DYNC1I1: variants seen among roughly 807,000 people sequenced by gnomAD.
The protein encoded by DYNC1I1 is dynein cytoplasmic 1 intermediate chain 1, also known as cytoplasmic dynein 1 intermediate chain 1.
In DYNC1I1, 43 loss-of-function variants were observed where a neutral mutation model predicts 86.6. The ratio of observed to expected loss-of-function variants is 0.50; its 90% CI spans 0.39 to 0.64. The LOEUF (loss-of-function observed/expected upper bound fraction) is 0.64. Among genes scored for constraint, DYNC1I1 ranks in the 30% least tolerant of loss-of-function variants. The pLI, the probability that DYNC1I1 is intolerant of heterozygous loss-of-function variation, is 0.00. For missense variants in DYNC1I1, 604 were observed against 788.8 expected (o/e 0.77, Z 2.81); for synonymous variants, 262 against 283.7 (o/e 0.92, Z 0.77).
At chr7:95,888,453 A>G (rs948653248) in intron 6 of DYNC1I1, among the ~76,000 whole-genome samples, 32 of 152,148 alleles carry the variant, frequency 2.1e-4, no homozygotes, top group Non-Finnish European at 4.0e-4. Flanking sequence ...AATAAGAAGA[A>G]GAAACAAAAT....
At chr7:95,821,214 A>G (rs182462805) in intron 4 of DYNC1I1, among the ~76,000 whole-genome samples, 1 of 152,338 alleles carries the variant, frequency 6.6e-6, no homozygotes, top group Admixed American at 6.5e-5. Context: ...ATACTATACT[A>G]GACTTTCAAG....
intron 1 of DYNC1I1, 140 bp from the exon 2 acceptor site, chr7:95,804,581 C>T: frequency 9.7e-7 from 1 of 1,034,264 alleles, no homozygotes; most frequent in Non-Finnish European, 1.3e-6. Flanking sequence ...GATTCTTTCA[C>T]ATAGGCTAAA....
chr7:96,075,139 T>A (rs1181143886), intron 14 of DYNC1I1, among the ~76,000 whole-genome samples: 1 of 152,194 alleles, frequency 6.6e-6, no homozygotes, highest in East Asian at 1.9e-4. Flanking sequence ...TCCAATTACG[T>A]TTTATTTCTG....
chr7:95,816,838 A>G (rs1053757882), intron 4 of DYNC1I1, among the ~76,000 whole-genome samples: 3 of 152,238 alleles, frequency 2.0e-5, no homozygotes, highest in African/African-American at 4.8e-5. Context: ...TACTTAAATT[A>G]TACTTAAGAA....
intron 1 of DYNC1I1, among the ~76,000 whole-genome samples, chr7:95,785,771 ATG>A (rs1171274586): frequency 5.7e-5 from 3 of 52,724 alleles, no homozygotes; most frequent in Non-Finnish European, 1.2e-4. Flanking sequence ...ATATGTGTGT[ATG>A]TGTATATATA....
intron 6 of DYNC1I1, among the ~76,000 whole-genome samples, chr7:95,915,256 C>T (rs376258525): frequency 1.3e-5 from 2 of 152,140 alleles, no homozygotes; most frequent in African/African-American, 4.8e-5. Flanking sequence ...AAGCTTTGTG[C>T]ATTATTATCT....
At chr7:95,773,694 G>T (rs2115597381) in intron 1 of DYNC1I1, among the ~76,000 whole-genome samples, 1 of 152,268 alleles carries the variant, frequency 6.6e-6, no homozygotes, top group South Asian at 2.1e-4. Flanking sequence ...CCTTTCAAGT[G>T]GGCATTGTAG....
chr7:95,925,097 T>G (rs1054131639), intron 6 of DYNC1I1, among the ~76,000 whole-genome samples: 49 of 152,184 alleles, frequency 3.2e-4, no homozygotes, highest in Admixed American at 2.9e-3. Context: ...CAATATTTGC[T>G]TTAGTATCTG....
At chr7:96,011,613 T>A (rs183011430) in intron 10 of DYNC1I1, among the ~76,000 whole-genome samples, 1 of 152,316 alleles carries the variant, frequency 6.6e-6, no homozygotes, top group East Asian at 1.9e-4. Context: ...CATCAATAAG[T>A]AAATCTGTGA....
At chr7:95,872,734 C>G (rs7803969) in intron 6 of DYNC1I1, among the ~76,000 whole-genome samples, 32,445 of 152,000 alleles carry the variant, frequency 0.21, 4,085 homozygotes, top group African/African-American at 0.35. Context: ...CCAAGAATGG[C>G]CAACACTGAC....
At chr7:95,853,706 G>A (rs1789641234) in intron 5 of DYNC1I1, among the ~76,000 whole-genome samples, 1 of 152,060 alleles carries the variant, frequency 6.6e-6, no homozygotes, top group Admixed American at 6.6e-5. Flanking sequence ...AACCTTATGT[G>A]TCTTTATTGA....
chr7:95,954,091 C>T (rs1250237122), intron 6 of DYNC1I1, among the ~76,000 whole-genome samples: 2 of 151,726 alleles, frequency 1.3e-5, no homozygotes, highest in African/African-American at 2.4e-5. Context: ...GCAGTAGGGC[C>T]GGGATATTGA....
intron 14 of DYNC1I1, among the ~76,000 whole-genome samples, chr7:96,062,441 T>C (rs73232553): frequency 3.9e-3 from 600 of 152,216 alleles, no homozygotes; most frequent in Non-Finnish European, 5.6e-3. Context: ...CTTTTTTTTT[T>C]TCTCTCTAAA....
At chr7:95,811,904 G>T (rs576336470) in intron 3 of DYNC1I1, among the ~76,000 whole-genome samples, 1 of 152,130 alleles carries the variant, frequency 6.6e-6, no homozygotes, top group Non-Finnish European at 1.5e-5. Flanking sequence ...TACAATAATA[G>T]TATGTCCTAG....
At chr7:95,862,571 A>G (rs925218879) in intron 5 of DYNC1I1, among the ~76,000 whole-genome samples, 18 of 152,228 alleles carry the variant, frequency 1.2e-4, no homozygotes, top group Admixed American at 6.5e-5. Flanking sequence ...GGAGGTTGTA[A>G]AGCAATTAGA....
At chr7:95,951,672 A>G (rs1240137048) in intron 6 of DYNC1I1, among the ~76,000 whole-genome samples, 2 of 152,144 alleles carry the variant, frequency 1.3e-5, no homozygotes, top group Non-Finnish European at 2.9e-5. Flanking sequence ...GGAAAGAAAC[A>G]TTTTCCATGA....
Position 96,088,849 on chromosome 7 carries a change from G to A in DYNC1I1, c.1776+8361G>A, listed in dbSNP as rs1054852992. On this transcript the variant is annotated intron_variant, in intron 16 of 16. Transcript: ENST00000447467. Reference sequence around the variant, plus strand: ...TTTCACTTTCAAGGAAAGCTTACATGAATTTTTGAGAATGTCAGCTATCAG... The same window carrying A: ...TTTCACTTTCAAGGAAAGCTTACATAAATTTTTGAGAATGTCAGCTATCAG... Among the ~76,000 whole-genome samples the A allele has an allele frequency of 4.6e-5, 7 of 152,210 alleles. No homozygotes were observed. In the East Asian group the frequency reaches 1.3e-3, roughly 29 times the overall value.
intron 15 of DYNC1I1, among the ~76,000 whole-genome samples, chr7:96,079,339 T>C (rs1790442254): frequency 6.6e-6 from 1 of 152,188 alleles, no homozygotes; most frequent in African/African-American, 2.4e-5. Flanking sequence ...ACTGTATTTT[T>C]TCTTTATGTT....
intron 16 of DYNC1I1, among the ~76,000 whole-genome samples, chr7:96,095,401 ATTG>A (rs1790972030): frequency 6.6e-6 from 1 of 152,156 alleles, no homozygotes; most frequent in Non-Finnish European, 1.5e-5. Context: ...TCAATAACAT[ATTG>A]CATAGGTCAT....
Sources: gnomAD v4.1 joint callset for allele counts (sites outside exome capture counted in the v4.1 genomes callset) on GRCh38, gnomAD v4.1.1 for gene constraint, MANE v1.5 for transcripts, NCBI Gene and HGNC (gene_info 2026-07-23, HGNC 2026-07-21) for gene names.